COLEC11: variants seen among roughly 807,000 people sequenced by gnomAD.
COLEC11 encodes the protein collectin subfamily member 11.
A neutral mutation model predicts 27.3 loss-of-function variants in COLEC11; 20 were observed. That is an observed-to-expected ratio of 0.73 (90% CI 0.51 to 1.06). COLEC11 has a LOEUF of 1.06. Among genes scored for constraint, COLEC11 ranks in the 50% least tolerant of loss-of-function variants. COLEC11 has a pLI of 0.00. For synonymous variants in COLEC11, 163 were observed against 154.7 expected, an observed-to-expected ratio of 1.05 and a Z score of -0.40; for missense variants, 310 against 383.0, an observed-to-expected ratio of 0.81 and a Z score of 1.59.
chr2:3,621,572 A>T (rs1368728085), intron 3 of COLEC11, among the ~76,000 whole-genome samples: 1 of 152,132 alleles, frequency 6.6e-6, no homozygotes, highest in Non-Finnish European at 1.5e-5. Flanking sequence ...TGCCATTGCC[A>T]TTTTGTTAAT....
intron 3 of COLEC11, 72 bp downstream of exon 3, chr2:3,613,454 G>A: frequency 6.7e-7 from 1 of 1,493,656 alleles, no homozygotes; most frequent in Non-Finnish European, 9.1e-7. Context: ...GCCGGGTGGG[G>A]AGGTGGGGGT....
intron 1 of COLEC11, among the ~76,000 whole-genome samples, chr2:3,596,030 G>A (rs1297675721): frequency 6.6e-6 from 1 of 152,192 alleles, no homozygotes; most frequent in East Asian, 1.9e-4. Context: ...TGACCGCTGG[G>A]GGAAGATAAG....
At chr2:3,619,905 C>T (rs1664061557) in intron 3 of COLEC11, among the ~76,000 whole-genome samples, 1 of 152,198 alleles carries the variant, frequency 6.6e-6, no homozygotes, top group Non-Finnish European at 1.5e-5. Context: ...GGATTACAAG[C>T]ATGAGCCACC....
intron 3 of COLEC11, among the ~76,000 whole-genome samples, chr2:3,626,966 G>T (rs904999103): frequency 2.0e-5 from 3 of 152,140 alleles, no homozygotes; most frequent in African/African-American, 7.2e-5. Flanking sequence ...TTTCCAGTGG[G>T]ACACAGCCCT....
rs77356979 is a variant in COLEC11 at position 3,602,196 on chromosome 2, A to C, written c.-26-2119A>C. ...TTCTCTAGCAGCTAAGGTGACCTTC[A>C]TTTTGGACCTGAGAGGGCCAGCTGG... On this transcript the variant is annotated intron_variant, in intron 1 of 6. Transcript: ENST00000349077. This position sits in a 1 kb window ranked among gnomAD's most constrained non-coding sequence, Gnocchi z 6.2. 1.3e-3 allele frequency among the ~76,000 whole-genome samples: 192 copies of C among 152,222 alleles called. 4 individuals are homozygous for C. In the East Asian group the frequency reaches 0.033, roughly 26 times the overall value.
intron 2 of COLEC11, among the ~76,000 whole-genome samples, chr2:3,607,479 C>G (rs765035115): frequency 2.0e-5 from 2 of 99,284 alleles, no homozygotes; most frequent in Non-Finnish European, 4.0e-5. Context: ...TGGAGTTTCT[C>G]TCTTGTTGCC....
intron 3 of COLEC11, among the ~76,000 whole-genome samples, chr2:3,636,252 C>T (rs138655763): frequency 1.4e-3 from 216 of 152,264 alleles, no homozygotes; most frequent in African/African-American, 4.8e-3. Context: ...GTCAGGAGAT[C>T]GAGACCATCC....
At chr2:3,625,191 C>A (rs1664454823) in intron 3 of COLEC11, among the ~76,000 whole-genome samples, 1 of 152,250 alleles carries the variant, frequency 6.6e-6, no homozygotes, top group South Asian at 2.1e-4. Context: ...TTTCTTCCTT[C>A]CTTCTCCCAC....
chr2:3,641,867 G>A (rs557457618), intron 5 of COLEC11, among the ~76,000 whole-genome samples: 8 of 152,302 alleles, frequency 5.3e-5, no homozygotes, highest in Non-Finnish European at 1.0e-4. Flanking sequence ...GGGAAAAGGC[G>A]TAAAGCCCAC....
At chr2:3,633,264 C>T (rs935602921) in intron 3 of COLEC11, among the ~76,000 whole-genome samples, 8 of 152,204 alleles carry the variant, frequency 5.3e-5, no homozygotes, top group African/African-American at 1.9e-4. Context: ...TGGGGAGGCT[C>T]CTCCCATCTT....
At chr2:3,618,864 T>C (rs1181379483) in intron 3 of COLEC11, among the ~76,000 whole-genome samples, 2 of 152,246 alleles carry the variant, frequency 1.3e-5, no homozygotes, top group African/African-American at 2.4e-5. Flanking sequence ...GTTCTCAGTG[T>C]ACAGGTACAC....
intron 5 of COLEC11, among the ~76,000 whole-genome samples, chr2:3,640,569 G>A (rs1339246863): frequency 8.6e-5 from 4 of 46,250 alleles, no homozygotes; most frequent in Non-Finnish European, 1.4e-4. Flanking sequence ...ACATCCCACG[G>A]TGGACACCCA....
At chr2:3,622,892 T>C (rs557034930) in intron 3 of COLEC11, among the ~76,000 whole-genome samples, 1 of 152,358 alleles carries the variant, frequency 6.6e-6, no homozygotes, top group African/African-American at 2.4e-5. Flanking sequence ...ATCAGTTATC[T>C]CTACACTTTT....
At chr2:3,628,458 C>A (rs1283979851) in intron 3 of COLEC11, among the ~76,000 whole-genome samples, 3 of 152,266 alleles carry the variant, frequency 2.0e-5, no homozygotes, top group Non-Finnish European at 2.9e-5. Flanking sequence ...CTGCTGCTGC[C>A]AGCCTGGGCT....
At chr2:3,615,726 C>T (rs78373006) in intron 3 of COLEC11, among the ~76,000 whole-genome samples, 3 of 148,624 alleles carry the variant, frequency 2.0e-5, no homozygotes, top group Non-Finnish European at 3.0e-5. Flanking sequence ...TGGGCAGAGG[C>T]GCCCCCCACC....
chr2:3,613,475 G>T, intron 3 of COLEC11, 93 bp downstream of exon 3: 1 of 1,342,006 alleles, frequency 7.5e-7, no homozygotes, highest in Non-Finnish European at 1.0e-6. Flanking sequence ...GGTGGTTCCA[G>T]AGAGGACAGG....
chr2:3,617,546 C>T, intron 3 of COLEC11: 1 of 1,579,226 alleles, frequency 6.3e-7, no homozygotes, highest in South Asian at 1.1e-5. Flanking sequence ...GCGCACGCCT[C>T]ACTACGATTT....
chr2:3,634,026 C>A (rs1470677653), intron 3 of COLEC11, among the ~76,000 whole-genome samples: 2 of 152,220 alleles, frequency 1.3e-5, no homozygotes, highest in African/African-American at 4.8e-5. Context: ...TGAGGGACAC[C>A]TGCCCTCACA....
chr2:3,610,812 G>T (rs1167395046), intron 2 of COLEC11, among the ~76,000 whole-genome samples: 1 of 152,170 alleles, frequency 6.6e-6, no homozygotes, highest in Admixed American at 6.5e-5. Flanking sequence ...CTAAATTATG[G>T]CTCCTTTGTT....
Sources: allele counts gnomAD v4.1 joint callset (sites outside exome capture counted in the v4.1 genomes callset), GRCh38; gene constraint gnomAD v4.1.1; non-coding constraint Gnocchi (gnomAD v3.1); transcripts MANE v1.5; gene names NCBI Gene and HGNC (gene_info 2026-07-23, HGNC 2026-07-21).